Variants in ZMAT4 observed in about 807,000 individuals in gnomAD.
ZMAT4 encodes zinc finger matrin-type 4, also known as zinc finger matrin-type protein 4.
A neutral mutation model predicts 28.7 loss-of-function variants in ZMAT4; 17 were observed. That is an observed-to-expected ratio of 0.59 (90% CI 0.41 to 0.89). The LOEUF is 0.89. Ranked by LOEUF, ZMAT4 falls within the 40% of genes least tolerant of loss-of-function variation. The probability of loss-of-function intolerance (pLI) is 0.00; values close to 1 mark genes in which losing one functional copy is unlikely to be tolerated. For synonymous variants in ZMAT4, 117 were observed against 109.2 expected (o/e 1.07, Z -0.44); for missense variants, 240 against 283.8 (o/e 0.85, Z 1.11).
chr8:40,769,728 C>A (rs1813311843), intron 2 of ZMAT4, among the ~76,000 whole-genome samples: 1 of 151,928 alleles, frequency 6.6e-6, no homozygotes, highest in South Asian at 2.1e-4. Flanking sequence ...CTCTGGATTT[C>A]CAGAGAATGA....
chr8:40,876,758 T>C (rs1818055030), intron 1 of ZMAT4, among the ~76,000 whole-genome samples: 1 of 152,246 alleles, frequency 6.6e-6, no homozygotes, highest in African/African-American at 2.4e-5. Context: ...AGTAGGCTAT[T>C]AGTAGTTAAG....
intron 1 of ZMAT4, among the ~76,000 whole-genome samples, chr8:40,872,714 A>G (rs1008040529): frequency 6.6e-6 from 1 of 152,150 alleles, no homozygotes; most frequent in Non-Finnish European, 1.5e-5. Context: ...GGTGCTTAGA[A>G]TTATAAGACA....
chr8:40,794,956 C>T (rs1019057567), intron 2 of ZMAT4, among the ~76,000 whole-genome samples: 1 of 151,982 alleles, frequency 6.6e-6, no homozygotes, highest in Admixed American at 6.6e-5. Context: ...ACTAGATGGC[C>T]CTGGAAGCTC....
At chr8:40,806,990 G>T (rs1381019176) in intron 2 of ZMAT4, among the ~76,000 whole-genome samples, 1 of 151,866 alleles carries the variant, frequency 6.6e-6, no homozygotes, top group East Asian at 1.9e-4. Context: ...CTATTTGGCT[G>T]ACCTAAATAT....
At chr8:40,862,164 C>T (rs1817517180) in intron 1 of ZMAT4, among the ~76,000 whole-genome samples, 1 of 152,054 alleles carries the variant, frequency 6.6e-6, no homozygotes, top group Non-Finnish European at 1.5e-5. Flanking sequence ...AGACTTGGAA[C>T]CAACCCAAAT....
intron 3 of ZMAT4, among the ~76,000 whole-genome samples, chr8:40,751,965 G>T (rs762963397): frequency 6.6e-6 from 1 of 152,154 alleles, no homozygotes; most frequent in Non-Finnish European, 1.5e-5. Flanking sequence ...CTAACGCTGT[G>T]ATCTCTGGGT....
At chr8:40,826,550 A>G (rs755725031) in intron 1 of ZMAT4, among the ~76,000 whole-genome samples, 3 of 152,216 alleles carry the variant, frequency 2.0e-5, no homozygotes, top group Non-Finnish European at 4.4e-5. Context: ...TAAGCGGTAT[A>G]AAATCTAGTT....
At chr8:40,728,383 G>A (rs1811393434) in intron 3 of ZMAT4, among the ~76,000 whole-genome samples, 1 of 152,116 alleles carries the variant, frequency 6.6e-6, no homozygotes, top group Non-Finnish European at 1.5e-5. Context: ...GTAACATCCT[G>A]TGCTGGTGGC....
rs555916170 is a variant in ZMAT4, at chr8:40,754,179, A to G, written c.192+13462T>C. Among the ~76,000 whole-genome samples, 54 of 152,248 alleles carry G rather than the reference A, an allele frequency of 3.5e-4. No individual in the cohort carries two copies. The South Asian group carries it at 0.01, about 29-fold the overall frequency. ...GAGCAAGACTCCATCTCAAAAAAAA[A>G]AAAGAAAAAAGGTTTAACAAATGGC... is the stretch of plus-strand genomic sequence containing the variant. On this transcript the variant is annotated intron_variant, in intron 3 of 6. Coordinates refer to ENST00000297737, the MANE Select transcript of ZMAT4 (RefSeq NM_024645.3).
At chr8:40,666,977 AT>A (rs1050926940) in intron 5 of ZMAT4, among the ~76,000 whole-genome samples, 4 of 152,118 alleles carry the variant, frequency 2.6e-5, no homozygotes, top group Admixed American at 1.3e-4. Flanking sequence ...ACACAAATCT[AT>A]TATTAAAAGT....
At chr8:40,541,540 T>C (rs1803028235) in intron 6 of ZMAT4, among the ~76,000 whole-genome samples, 1 of 152,214 alleles carries the variant, frequency 6.6e-6, no homozygotes, top group Non-Finnish European at 1.5e-5. Flanking sequence ...CTAGCCACTT[T>C]CAAGTATTAG....
intron 1 of ZMAT4, among the ~76,000 whole-genome samples, chr8:40,892,583 A>C (rs916841354): frequency 6.6e-6 from 1 of 152,224 alleles, no homozygotes; most frequent in Non-Finnish European, 1.5e-5. Flanking sequence ...GGTCTATTCA[A>C]TTTGGAAACA....
At chr8:40,635,674 G>A (rs1478288989) in intron 5 of ZMAT4, among the ~76,000 whole-genome samples, 2 of 152,154 alleles carry the variant, frequency 1.3e-5, no homozygotes, top group African/African-American at 2.4e-5. Context: ...GAAGTCCGAG[G>A]TTTGAATTGC....
intron 1 of ZMAT4, among the ~76,000 whole-genome samples, chr8:40,897,320 C>T (rs1456813554): frequency 2.0e-5 from 3 of 152,256 alleles, no homozygotes; most frequent in East Asian, 3.9e-4. Flanking sequence ...ACGTTTCTCT[C>T]GGAACCAGCC....
chr8:40,604,616 G>C (rs533386183), intron 5 of ZMAT4, among the ~76,000 whole-genome samples: 4 of 152,184 alleles, frequency 2.6e-5, no homozygotes, highest in African/African-American at 9.6e-5. Flanking sequence ...GTTGGATTTG[G>C]TTAGCTGGTA....
chr8:40,857,874 C>CA (rs1200666565), intron 1 of ZMAT4, among the ~76,000 whole-genome samples: 1 of 152,026 alleles, frequency 6.6e-6, no homozygotes, highest in African/African-American at 2.4e-5. Context: ...GGGACAATCT[C>CA]AAAAAACATT....
chr8:40,533,073 G>GC (rs1802744549), intron 6 of ZMAT4, among the ~76,000 whole-genome samples: 1 of 151,750 alleles, frequency 6.6e-6, no homozygotes, highest in Non-Finnish European at 1.5e-5. Context: ...TTTTAGTTTT[G>GC]TTTTTTTCTT....
At chr8:40,748,308 GC>G (rs1457697399) in intron 3 of ZMAT4, among the ~76,000 whole-genome samples, 1 of 152,168 alleles carries the variant, frequency 6.6e-6, no homozygotes, top group East Asian at 1.9e-4. Context: ...GCAGGTAATG[GC>G]CTTGTACCAT....
intron 1 of ZMAT4, among the ~76,000 whole-genome samples, chr8:40,856,162 T>C (rs1336389732): frequency 1.3e-5 from 2 of 152,088 alleles, no homozygotes; most frequent in Non-Finnish European, 2.9e-5. Flanking sequence ...GATCTCTGCA[T>C]TTGTGTTTGT....
Sources: gnomAD v4.1 joint callset for allele counts (sites outside exome capture counted in the v4.1 genomes callset) on GRCh38, gnomAD v4.1.1 for gene constraint, MANE v1.5 for transcripts, NCBI Gene and HGNC (gene_info 2026-07-23, HGNC 2026-07-21) for gene names.